CPEB2: variants seen among roughly 807,000 people sequenced by gnomAD.
The protein encoded by CPEB2 is cytoplasmic polyadenylation element binding protein 2.
A neutral mutation model predicts 93.6 loss-of-function variants in CPEB2; 56 were observed. The ratio of observed to expected loss-of-function variants is 0.60; its 90% CI spans 0.48 to 0.75. CPEB2 has a LOEUF of 0.75. CPEB2 is among the 30% of genes least tolerant of loss of function. The probability of loss-of-function intolerance (pLI) is 0.00; values close to 1 mark genes in which losing one functional copy is unlikely to be tolerated. For missense variants in CPEB2, 1,579 were observed against 1,395.1 expected, an observed-to-expected ratio of 1.13 and a Z score of -2.10; for synonymous variants, 764 against 586.3, an observed-to-expected ratio of 1.30 and a Z score of -4.38.
At chr4:15,055,498 T>C (rs1728629605) in intron 8 of CPEB2, among the ~76,000 whole-genome samples, 1 of 152,182 alleles carries the variant, frequency 6.6e-6, no homozygotes, top group Admixed American at 6.5e-5. Context: ...CTCAAGAGTA[T>C]TGAGTTATTT....
chr4:15,002,522 G>T lies in CPEB2; in HGVS notation c.-152G>T, dbSNP rs902535469. ...CGGCGATCGCCGCGAGGGGTGGTGG[G>T]GCCGAAGTCGGTGCCCCCTGGCTCA... On this transcript the variant is annotated 5_prime_UTR_variant, in exon 1 of 12. Coordinates refer to ENST00000538197, the MANE Select transcript of CPEB2 (RefSeq NM_001177382.2). Among the ~76,000 whole-genome samples the T allele has an allele frequency of 1.3e-5, 2 of 151,492 alleles. No individual in the cohort carries two copies. Among genetic ancestry groups the T allele is most frequent in the Non-Finnish European group, 1.5e-5 (1 of 67,772 alleles).
chr4:15,003,486 CCCGCGGCG>C lies in CPEB2; in HGVS notation c.818_825del (p.Arg273ProfsTer52). On this transcript the variant is annotated frameshift_variant, in exon 1 of 12. Transcript: ENST00000538197. LOFTEE classifies it high-confidence loss of function. ...AGCTCCCTCCCTCGCCGCCTGCAGC[CCCGCGGCG>C]CCGCCACGGAGGCGCGGGCAGCCCT... 1 of 1,399,940 alleles carries C rather than the reference CCCGCGGCG, an allele frequency of 7.1e-7. No individual in the cohort carries two copies. The highest frequency in any genetic ancestry group is 1.5e-5 in the South Asian group (1 of 64,942). 86.7% of individuals were successfully genotyped at this position (1,399,940 alleles called of 1,614,324 possible). A position where few individuals can be genotyped will look rare whatever the true frequency, so the allele number is the denominator to read the frequency against.
intron 4 of CPEB2, among the ~76,000 whole-genome samples, chr4:15,030,425 G>A (rs989934654): frequency 1.3e-5 from 2 of 152,020 alleles, no homozygotes; most frequent in South Asian, 2.1e-4. Context: ...CTTAAAATGG[G>A]AAGATAATAA....
rs765568603 is a variant in CPEB2, at chr4:15,017,166, C to T, written c.2035-22C>T. 3 of 1,383,196 alleles carry T rather than the reference C, an allele frequency of 2.2e-6. 1 individual carries two copies. The highest frequency in any genetic ancestry group is 3.6e-4 in the Middle Eastern group (2 of 5,568). The allele number at this position is 1,383,196 out of a possible 1,614,324, so 85.7% of individuals were successfully genotyped here. ...GAAAAAACTGCATAGATTATAATGT[C>T]TTTTTTCCTCTTCTCTTCCAGGATC... is the stretch of plus-strand genomic sequence containing the variant. On this transcript the variant is annotated intron_variant, in intron 3 of 11. Coordinates refer to ENST00000538197, the MANE Select transcript of CPEB2 (RefSeq NM_001177382.2).
chr4:15,045,324 A>AT (rs1560243490), intron 6 of CPEB2, among the ~76,000 whole-genome samples: 2 of 152,154 alleles, frequency 1.3e-5, no homozygotes, highest in African/African-American at 4.8e-5. Flanking sequence ...TTTCATTCAT[A>AT]TGTATGTATC....
intron 4 of CPEB2, among the ~76,000 whole-genome samples, chr4:15,026,114 T>A (rs1195483904): frequency 6.6e-6 from 1 of 152,190 alleles, no homozygotes; most frequent in Non-Finnish European, 1.5e-5. Context: ...TCATAAAGAC[T>A]CTTTGGCACC....
chr4:15,003,570 G>T lies in CPEB2; in HGVS notation c.897G>T (p.Ala299=). ...GCAGCGCCGCCGAGTCCCCCAATGC[G>T]GGCTTGGCCTCCTCGACGCCGGTGA... ...GEGSAAESPN[A]GLASSTPVNP... Residue 299 remains alanine (A), a synonymous_variant, in exon 1 of 12, where the codon GCG becomes GCT. Transcript: ENST00000538197. 1.4e-6 allele frequency: 2 copies of T among 1,467,388 alleles called. No individual in the cohort carries two copies. Among genetic ancestry groups the T allele is most frequent in the African/African-American group, 1.5e-5 (1 of 68,218 alleles). 90.9% of individuals were successfully genotyped at this position (1,467,388 alleles called of 1,614,324 possible).
In CPEB2 at chr4:15,032,220, C is replaced by T. The variant is rs150252609; in HGVS notation, c.2126-941C>T. ...TCAAGTGATCTTCCTTTTTCTACCTCCCAGCTAGGTGGGACTACAAGCATG... is the reference window on the plus strand; with the variant it reads ...TCAAGTGATCTTCCTTTTTCTACCTTCCAGCTAGGTGGGACTACAAGCATG... On this transcript the variant is annotated intron_variant, in intron 4 of 11. Transcript: ENST00000538197. 8.1e-3 allele frequency among the ~76,000 whole-genome samples: 1,234 copies of T among 152,228 alleles called. 11 individuals are homozygous for T. Among genetic ancestry groups the T allele is most frequent in the South Asian group, 0.014 (68 of 4,822 alleles).
intron 4 of CPEB2, among the ~76,000 whole-genome samples, chr4:15,029,096 G>A (rs1458603383): frequency 2.0e-5 from 3 of 151,976 alleles, no homozygotes; most frequent in African/African-American, 7.3e-5. Flanking sequence ...TGCACATCTT[G>A]TTGTGTACTT....
At chr4:15,057,920 A>G (rs1406144956) in intron 8 of CPEB2, among the ~76,000 whole-genome samples, 1 of 152,174 alleles carries the variant, frequency 6.6e-6, no homozygotes, top group Non-Finnish European at 1.5e-5. Context: ...GTTCCAGTCT[A>G]AAAGTCTAGA....
At chr4:15,032,787 A>G (rs951095973) in intron 4 of CPEB2, among the ~76,000 whole-genome samples, 16 of 152,160 alleles carry the variant, frequency 1.1e-4, no homozygotes, top group Admixed American at 3.9e-4. Context: ...AGATCTATAG[A>G]TAAAATTACA....
chr4:15,024,082 A>G (rs894217812), intron 4 of CPEB2, among the ~76,000 whole-genome samples: 1 of 152,100 alleles, frequency 6.6e-6, no homozygotes, highest in Non-Finnish European at 1.5e-5. Flanking sequence ...TCATTAATTC[A>G]TCCCAGTATT....
rs1729849199 is a variant in CPEB2, at chr4:15,068,273, T to C, written c.*1893T>C. ...TGGTTCATGTCTAACTCTGCTGTTTTATTGTGGTTGTGGTTCAAGTTTTTA... is the reference window on the plus strand; with the variant it reads ...TGGTTCATGTCTAACTCTGCTGTTTCATTGTGGTTGTGGTTCAAGTTTTTA... On this transcript the variant is annotated 3_prime_UTR_variant, in exon 12 of 12. Transcript: ENST00000538197. 6.6e-6 allele frequency: 1 copy of C among 152,346 alleles called. No homozygotes were observed. The highest frequency in any genetic ancestry group is 1.5e-5 in the Non-Finnish European group (1 of 67,880). 9.4% of individuals were successfully genotyped at this position (152,346 alleles called of 1,614,324 possible).
rs1475996310 is a variant in CPEB2 at position 15,003,780 on chromosome 4, C to G, written c.1107C>G (p.Gly369=). ...GGPPGGGGGG[G]SASPPPLPGF... is the part of the protein sequence containing the mutation. ...CCCCAGGAGGCGGAGGGGGAGGCGGCTCCGCGTCGCCGCCGCCGCTGCCCG... is the reference window on the plus strand; with the variant it reads ...CCCCAGGAGGCGGAGGGGGAGGCGGGTCCGCGTCGCCGCCGCCGCTGCCCG... Residue 369 remains glycine, a synonymous_variant, in exon 1 of 12, where the codon GGC becomes GGG. Coordinates refer to ENST00000538197, the MANE Select transcript of CPEB2 (RefSeq NM_001177382.2). 3 of 1,139,720 alleles carry G rather than the reference C, an allele frequency of 2.6e-6. No individual in the cohort carries two copies. The highest frequency in any genetic ancestry group is 3.3e-6 in the Non-Finnish European group (3 of 915,630). 70.6% of individuals were successfully genotyped at this position (1,139,720 alleles called of 1,614,324 possible).
intron 8 of CPEB2, among the ~76,000 whole-genome samples, chr4:15,056,394 T>G (rs1007410278): frequency 6.6e-6 from 1 of 152,222 alleles, no homozygotes; most frequent in Non-Finnish European, 1.5e-5. Flanking sequence ...AAGGATGGTG[T>G]ACTTTAAGCC....
chr4:15,003,886 C>A lies in CPEB2; in HGVS notation c.1213C>A (p.Gln405Lys). ...QQPPPTQPQQ[Q>K]PPPPQQPPQP... ...GCCGCCGCCGACCCAGCCGCAGCAG[C>A]AGCCGCCGCCACCCCAGCAGCCGCC... Residue 405 changes from glutamine to lysine, a missense_variant, in exon 1 of 12, where the codon CAG (glutamine) becomes AAG (lysine). Physicochemically the swap from Gln to Lys is moderately conservative, Grantham distance 53 (BLOSUM62 1). Around this residue, in one of 2 missense-constraint regions of CPEB2, gnomAD observed 1,411 missense variants for 1,056.0 expected, o/e 1.34. Coordinates refer to ENST00000538197, the MANE Select transcript of CPEB2 (RefSeq NM_001177382.2). 2 of 874,464 alleles carry A rather than the reference C, an allele frequency of 2.3e-6. No homozygotes were observed. The highest frequency in any genetic ancestry group is 4.0e-5 in the South Asian group (1 of 25,120). The allele number at this position is 874,464 out of a possible 1,614,324, so 54.2% of individuals were successfully genotyped here.
intron 4 of CPEB2, among the ~76,000 whole-genome samples, chr4:15,032,559 AT>A (rs201954957): frequency 4.3e-5 from 5 of 115,430 alleles, no homozygotes; most frequent in Non-Finnish European, 6.1e-5. Flanking sequence ...ATCAGCTTTA[AT>A]TTTTTTTATA....
chr4:15,014,350 A>G (rs1723849216), intron 3 of CPEB2, among the ~76,000 whole-genome samples: 1 of 151,904 alleles, frequency 6.6e-6, no homozygotes, highest in Admixed American at 6.6e-5. Flanking sequence ...TTTACAGTAT[A>G]CTCTTAGAAC....
chr4:15,049,896 G>A (rs1261342931), intron 6 of CPEB2, among the ~76,000 whole-genome samples: 1 of 152,144 alleles, frequency 6.6e-6, no homozygotes, highest in Non-Finnish European at 1.5e-5. Context: ...TGACAGGCAT[G>A]TGGTCCCTTC....
Sources: allele counts gnomAD v4.1 joint callset (sites outside exome capture counted in the v4.1 genomes callset), GRCh38; gene constraint gnomAD v4.1.1; regional missense constraint gnomAD v4.1.1; transcripts MANE v1.5; gene names NCBI Gene and HGNC (gene_info 2026-07-23, HGNC 2026-07-21).